ZNF772: variants seen among roughly 807,000 people sequenced by gnomAD.
ZNF772 encodes zinc finger protein 772.
A neutral mutation model predicts 11.0 loss-of-function variants in ZNF772; 8 were observed. The observed-to-expected ratio is 0.73, with a 90% CI of 0.43 to 1.31. The LOEUF (loss-of-function observed/expected upper bound fraction) is 1.31, where lower values mean the gene tolerates loss of function less well. Ranked by LOEUF, ZNF772 falls within the 50% of genes most tolerant of loss-of-function variation. ZNF772 has a pLI of 0.01. For missense variants in ZNF772, 496 were observed against 552.3 expected, an observed-to-expected ratio of 0.90 and a Z score of 1.02; for synonymous variants, 155 against 180.4, an observed-to-expected ratio of 0.86 and a Z score of 1.13.
rs866617617 is a variant in ZNF772 at position 57,470,644 on chromosome 19, T to C, written c.*2630A>G. 10 of 152,078 alleles carry C rather than the reference T, an allele frequency of 6.6e-5. No individual in the cohort carries two copies. Among genetic ancestry groups the C allele is most frequent in the African/African-American group, 2.4e-4 (10 of 41,386 alleles). 9.4% of individuals were successfully genotyped at this position (152,078 alleles called of 1,614,324 possible). On this transcript the variant is annotated 3_prime_UTR_variant, in exon 4 of 4. Coordinates refer to ENST00000356584, the MANE Select transcript of ZNF772 (RefSeq NM_001144068.2). ...CTTTAAGATCAATAAAATTGTAAAA[T>C]TGATAAATCTCTACCCAAACCAATC...
rs1273270944 is a variant in ZNF772, at chr19:57,477,258, T to A, written c.33+19A>T. ...CAGAGATGGGGGTCAGCGCGCAGAC[T>A]CGCAGACGCAGCACCCACCTGTGCC... On this transcript the variant is annotated intron_variant, in intron 1 of 3. Transcript: ENST00000356584. The A allele has an allele frequency of 6.2e-7, 1 of 1,613,326 alleles. No individual in the cohort carries two copies. The highest frequency in any genetic ancestry group is 1.7e-5 in the Admixed American group (1 of 59,900).
Position 57,474,268 on chromosome 19 carries a change from A to G in ZNF772, c.353T>C (p.Leu118Ser). 1 of 1,614,222 alleles carries G rather than the reference A, an allele frequency of 6.2e-7. No individual in the cohort carries two copies. The highest frequency in any genetic ancestry group is 8.5e-7 in the Non-Finnish European group (1 of 1,180,048). The change falls in exon 4 of 4, where the codon TTG (leucine) becomes TCG (serine). Residue 118 changes from leucine (L) to serine (S), a missense_variant. Transcript: ENST00000356584. ...CGLVLKDILH[L>S]AEHQETHPGQ... ...TGGGTGTGTTTCCTGGTGCTCAGCCAAGTGCAAAATGTCTTTTAAGACCAG... is the reference window on the plus strand; with the variant it reads ...TGGGTGTGTTTCCTGGTGCTCAGCCGAGTGCAAAATGTCTTTTAAGACCAG...
In ZNF772 at chr19:57,473,996, G is replaced by T. The variant is rs1243174527; in HGVS notation, c.625C>A (p.His209Asn). 8.7e-6 allele frequency: 14 copies of T among 1,614,202 alleles called. No individual in the cohort carries two copies. The highest frequency in any genetic ancestry group is 1.2e-5 in the Non-Finnish European group (14 of 1,180,038). Residue 209 changes from histidine to asparagine, a missense_variant, in exon 4 of 4, where the codon CAC becomes AAC. Coordinates refer to ENST00000356584, the MANE Select transcript of ZNF772 (RefSeq NM_001144068.2). The stretch of plus-strand genomic sequence containing the variant: ...GCCTCCTCACACTTGGTGTTGCTGT[G>T]TGGCTTCCACTCATTGTGAGGGGCA... ...HHAPHNEWKP[H>N]SNTKCEEASH... is the part of the protein sequence containing the mutation.
At position 57,477,544 on chromosome 19, in the gene ZNF772, C is replaced by G. The variant is rs372218077; in HGVS notation, c.-235G>C. On this transcript the variant is annotated 5_prime_UTR_variant, in exon 1 of 4. Transcript: ENST00000356584. ...ATGGAAAAGCAAACAAAATGTCCAC[C>G]CGAGGATGGTAGAGGAAGTCCCGCC... The G allele has an allele frequency of 1.8e-5, 9 of 487,670 alleles. No homozygotes were observed. The highest frequency in any genetic ancestry group is 4.0e-5 in the Admixed American group (1 of 25,038). 30.2% of individuals were successfully genotyped at this position (487,670 alleles called of 1,614,324 possible).
At position 57,477,438 on chromosome 19, in the gene ZNF772, G is replaced by A. The variant is rs989276500; in HGVS notation, c.-129C>T. 20 of 922,590 alleles carry A rather than the reference G, an allele frequency of 2.2e-5. No homozygotes were observed. In the South Asian group the frequency reaches 2.8e-4, roughly 13 times the overall value. The allele number at this position is 922,590 out of a possible 1,614,324, so 57.2% of individuals were successfully genotyped here. On this transcript the variant is annotated 5_prime_UTR_variant, in exon 1 of 4. Transcript: ENST00000356584. Reference sequence around the variant, plus strand: ...AGCCTCAGGCCCACCTCTCTTCAGGGAAGAAGACACTCTCTCACGTTTTCC... The same window carrying A: ...AGCCTCAGGCCCACCTCTCTTCAGGAAAGAAGACACTCTCTCACGTTTTCC...
In ZNF772 at chr19:57,475,085, T is replaced by A. The variant is rs2089267064; in HGVS notation, c.199+575A>T. The A allele has an allele frequency of 6.2e-7, 1 of 1,614,090 alleles. No individual in the cohort carries two copies. The highest frequency in any genetic ancestry group is 8.5e-7 in the Non-Finnish European group (1 of 1,180,032). On this transcript the variant is annotated intron_variant, in intron 3 of 3. Transcript: ENST00000356584. The surrounding 1 kb of genome is among the most constrained non-coding windows in gnomAD (Gnocchi z 4.2). Reference sequence around the variant, plus strand: ...CTAGGGTCATGTCCACCCAGTCAGGTACCCAGGGCTCACTACCCATCACCA... The same window carrying A: ...CTAGGGTCATGTCCACCCAGTCAGGAACCCAGGGCTCACTACCCATCACCA...
Position 57,477,346 on chromosome 19 carries a change from AGGAACCTG to A in ZNF772, c.-45_-38del. 2 of 1,612,440 alleles carry A rather than the reference AGGAACCTG, an allele frequency of 1.2e-6. No individual in the cohort carries two copies. The highest frequency in any genetic ancestry group is 2.2e-5 in the South Asian group (2 of 90,678). On this transcript the variant is annotated 5_prime_UTR_variant, in exon 1 of 4. Coordinates refer to ENST00000356584, the MANE Select transcript of ZNF772 (RefSeq NM_001144068.2). ...ACTACGGAAGGGTGGCGACAAGTGCAGGAACCTGGGATCAGCTGTCCAGGGCCCAGCCC... is the reference window on the plus strand; with the variant it reads ...ACTACGGAAGGGTGGCGACAAGTGCAGGATCAGCTGTCCAGGGCCCAGCCC...
Position 57,472,459 on chromosome 19 carries a change from T to G in ZNF772, c.*815A>C. 3.9e-6 allele frequency: 1 copy of G among 255,630 alleles called. No individual in the cohort carries two copies. Among genetic ancestry groups the G allele is most frequent in the Middle Eastern group, 1.4e-3 (1 of 690 alleles). The allele number at this position is 255,630 out of a possible 1,614,324, so 15.8% of individuals were successfully genotyped here. A position where few individuals can be genotyped will look rare whatever the true frequency, so the allele number is the denominator to read the frequency against. On this transcript the variant is annotated 3_prime_UTR_variant, in exon 4 of 4. Coordinates refer to ENST00000356584, the MANE Select transcript of ZNF772 (RefSeq NM_001144068.2). ...CTCAATTACACAAAAAATCTTAACA[T>G]ATAGACCAAAAGATTAGGCCTACAA...
At position 57,474,073 on chromosome 19, in the gene ZNF772, G is replaced by A; in HGVS notation, c.548C>T (p.Thr183Ile). Residue 183 changes from threonine to isoleucine, a missense_variant, in exon 4 of 4, where the codon ACA (threonine) becomes ATA (isoleucine). Thr to Ile is a moderately conservative substitution (Grantham distance 89). Coordinates refer to ENST00000356584, the MANE Select transcript of ZNF772 (RefSeq NM_001144068.2). The part of the protein sequence containing the change: ...AVQSMEMSFV[T>I]GEACKDFLAS... ...TAGGAAGTCCTTACAAGCCTCCCCT[G>A]TCACAAAAGACATCTCCATTGATTG... 2 of 1,614,166 alleles carry A rather than the reference G, an allele frequency of 1.2e-6. No individual in the cohort carries two copies. The highest frequency in any genetic ancestry group is 2.2e-5 in the South Asian group (2 of 91,088).
chr19:57,473,325 C>T lies in ZNF772; in HGVS notation c.1296G>A (p.Gln432=), dbSNP rs776185213. The T allele has an allele frequency of 6.2e-7, 1 of 1,613,942 alleles. No homozygotes were observed. Among genetic ancestry groups the T allele is most frequent in the South Asian group, 1.1e-5 (1 of 91,068 alleles). Residue 432 remains glutamine, a synonymous_variant, in exon 4 of 4, where the codon CAG becomes CAA. Coordinates refer to ENST00000356584, the MANE Select transcript of ZNF772 (RefSeq NM_001144068.2). ...TCCAGTGGCGGATGAGGGAAGCCCT[C>T]TGCCTGAAGGCCTTCCCACATTCAC... ...KCSECGKAFR[Q]RASLIRHWKI... is the part of the protein sequence containing the mutation.
intron 3 of ZNF772, among the ~76,000 whole-genome samples, chr19:57,474,718 T>C (rs1282671264): frequency 6.6e-6 from 1 of 152,224 alleles, no homozygotes; most frequent in African/African-American, 2.4e-5. Context: ...AGGTGAGAGT[T>C]GTGCAGAAGG....
At chr19:57,476,473 C>G (rs991064042) in intron 2 of ZNF772, 161 bp downstream of exon 2, 1 of 800,938 alleles carries the variant, frequency 1.2e-6, no homozygotes, top group African/African-American at 1.7e-5. Context: ...CTCCATAAAA[C>G]CCCTGGCCCG....
In ZNF772 at chr19:57,475,701, C is replaced by T. The variant is rs777121707; in HGVS notation, c.158G>A (p.Arg53His). 9.9e-6 allele frequency: 16 copies of T among 1,613,870 alleles called. No homozygotes were observed. The highest frequency in any genetic ancestry group is 5.3e-5 in the African/African-American group (4 of 74,916). Residue 53 changes from arginine (R) to histidine (H), a missense_variant, in exon 3 of 4, where the codon CGT (arginine) becomes CAT (histidine). By Grantham distance (29) the Arg-to-His change is conservative. Coordinates refer to ENST00000356584, the MANE Select transcript of ZNF772 (RefSeq NM_001144068.2). The surrounding 1 kb of genome is among the most constrained non-coding windows in gnomAD (Gnocchi z 4.2). Reference sequence around the variant, plus strand: ...TGCAAAGTTCTCCAGCATCACATCACGGTACAGGAGCCTCTGAGCCTCATC... The same window carrying T: ...TGCAAAGTTCTCCAGCATCACATCATGGTACAGGAGCCTCTGAGCCTCATC... The part of the protein sequence containing the change: ...LLDEAQRLLY[R>H]DVMLENFALM...
chr19:57,473,437 C>A lies in ZNF772; in HGVS notation c.1184G>T (p.Cys395Phe), dbSNP rs770320304. 12 of 1,614,134 alleles carry A rather than the reference C, an allele frequency of 7.4e-6. No homozygotes were observed. In the South Asian group the frequency reaches 1.3e-4, roughly 18 times the overall value. ...GCTAAAGGCTTTTCCACATTCACTG[C>A]ACACATAAGGCTTTTCACCATTATG... ...RVHNGEKPYV[C>F]SECGKAFSHK... The change falls in exon 4 of 4, where the codon TGC becomes TTC. Residue 395 changes from cysteine (C) to phenylalanine (F), a missense_variant. Physicochemically the swap from Cys to Phe is radical, Grantham distance 205. Coordinates refer to ENST00000356584, the MANE Select transcript of ZNF772 (RefSeq NM_001144068.2).
In ZNF772 at chr19:57,474,312, G is replaced by A. The variant is rs1251700235; in HGVS notation, c.309C>T (p.Tyr103=). 10 of 1,613,990 alleles carry A rather than the reference G, an allele frequency of 6.2e-6. No individual in the cohort carries two copies. The highest frequency in any genetic ancestry group is 6.8e-6 in the Non-Finnish European group (8 of 1,180,044). ...AGACCAGGCCACATGTCCCACAGGG[G>A]TAAGCCTTCTGAGTAGAAGGACCTC... ...PKGGPSTQKA[Y]PCGTCGLVLK... The change falls in exon 4 of 4, where the codon TAC becomes TAT. Residue 103 remains tyrosine (Y), a synonymous_variant. Transcript: ENST00000356584.
At position 57,475,042 on chromosome 19, in the gene ZNF772, G is replaced by A. The variant is rs1347263261; in HGVS notation, c.199+618C>T. ...TACTCACCAGGGTCACTCCCACCTG[G>A]AGTCTCTGTGGCAACAGCTAGGGTC... is the stretch of plus-strand genomic sequence containing the variant. On this transcript the variant is annotated intron_variant, in intron 3 of 3. Transcript: ENST00000356584. The surrounding 1 kb of genome is among the most constrained non-coding windows in gnomAD (Gnocchi z 4.2). The A allele has an allele frequency of 6.2e-7, 1 of 1,614,190 alleles. No homozygotes were observed. The highest frequency in any genetic ancestry group is 8.5e-7 in the Non-Finnish European group (1 of 1,180,026).
In ZNF772 at chr19:57,473,670, G is replaced by A. The variant is rs1261344838; in HGVS notation, c.951C>T (p.Ala317=). The change falls in exon 4 of 4, where the codon GCC becomes GCT. Residue 317 remains alanine (A), a synonymous_variant. Coordinates refer to ENST00000356584, the MANE Select transcript of ZNF772 (RefSeq NM_001144068.2). The part of the protein sequence containing the change: ...RPYKCSECGK[A]YSHKSTLVQH... ...GAACAAGTGTAGATTTGTGACTATAGGCTTTCCCACATTCACTGCACTTGT... is the reference window on the plus strand; with the variant it reads ...GAACAAGTGTAGATTTGTGACTATAAGCTTTCCCACATTCACTGCACTTGT... 6.8e-6 allele frequency: 11 copies of A among 1,613,812 alleles called. No individual in the cohort carries two copies. Among genetic ancestry groups the A allele is most frequent in the Non-Finnish European group, 8.5e-6 (10 of 1,179,932 alleles).
chr19:57,476,985 A>G (rs1248388458), intron 1 of ZNF772, among the ~76,000 whole-genome samples: 1 of 152,218 alleles, frequency 6.6e-6, no homozygotes, highest in Non-Finnish European at 1.5e-5. Context: ...CCAGCTGCTC[A>G]GGATGATATT....
chr19:57,476,828 G>A (rs1289512421), intron 1 of ZNF772, among the ~76,000 whole-genome samples, 156 bp from the exon 2 acceptor site: 1 of 152,204 alleles, frequency 6.6e-6, no homozygotes, highest in Non-Finnish European at 1.5e-5. Flanking sequence ...AACTGTGTTA[G>A]CTCGGAACAG....
Sources: allele counts gnomAD v4.1 joint callset (sites outside exome capture counted in the v4.1 genomes callset), GRCh38; gene constraint gnomAD v4.1.1; non-coding constraint Gnocchi (gnomAD v3.1); transcripts MANE v1.5; gene names NCBI Gene and HGNC (gene_info 2026-07-23, HGNC 2026-07-21).